The following ICA1 variants were observed in gnomAD, a reference collection of about 807,000 sequenced individuals.
ICA1 encodes islet cell autoantigen 1.
ICA1 carries 40 observed loss-of-function variants against 71.0 expected under a neutral mutation model. The observed-to-expected ratio is 0.56, with a 90% CI of 0.44 to 0.73. ICA1 has a LOEUF of 0.73. Ranked by LOEUF, ICA1 falls within the 30% of genes least tolerant of loss-of-function variation. ICA1 has a pLI of 0.00. For missense variants in ICA1, 578 were observed against 576.5 expected, an observed-to-expected ratio of 1.00 and a Z score of -0.03; for synonymous variants, 207 against 209.5, an observed-to-expected ratio of 0.99 and a Z score of 0.10.
chr7:8,181,991 T>C (rs930800735), intron 6 of ICA1, among the ~76,000 whole-genome samples: 1 of 152,212 alleles, frequency 6.6e-6, no homozygotes, highest in African/African-American at 2.4e-5. Flanking sequence ...TAATGGTAGT[T>C]ACTTGCAAAG....
At chr7:8,195,361 T>C (rs751167547) in intron 6 of ICA1, among the ~76,000 whole-genome samples, 1 of 152,018 alleles carries the variant, frequency 6.6e-6, no homozygotes, top group Non-Finnish European at 1.5e-5. Context: ...GCCATCATGG[T>C]GAAACCCTGT....
At chr7:8,124,107 T>C (rs1788079623) in intron 13 of ICA1, among the ~76,000 whole-genome samples, 1 of 146,224 alleles carries the variant, frequency 6.8e-6, no homozygotes. Flanking sequence ...CACTGAATCA[T>C]ACAATTTTTT....
At chr7:8,146,857 TACACACACACAC>T (rs112979260) in intron 8 of ICA1, among the ~76,000 whole-genome samples, 1 of 125,358 alleles carries the variant, frequency 8.0e-6, no homozygotes, top group Admixed American at 8.4e-5. Context: ...TTTATTCATG[TACACACACACAC>T]ACACACACAC....
chr7:8,138,793 T>G, intron 12 of ICA1, 47 bp downstream of exon 12: 1 of 1,423,506 alleles, frequency 7.0e-7, no homozygotes, highest in Non-Finnish European at 9.8e-7. Flanking sequence ...AAGAGTAATT[T>G]AAAAAATCAA....
At chr7:8,228,542 A>T in intron 4 of ICA1, 59 bp downstream of exon 4, 1 of 1,081,308 alleles carries the variant, frequency 9.2e-7, no homozygotes, top group Non-Finnish European at 1.3e-6. Flanking sequence ...ATGTATCAAG[A>T]CAAAATACCC....
intron 6 of ICA1, among the ~76,000 whole-genome samples, chr7:8,189,575 T>C (rs962670317): frequency 2.0e-5 from 3 of 152,182 alleles, no homozygotes; most frequent in Non-Finnish European, 2.9e-5. Flanking sequence ...CTTCTTTTTT[T>C]TAAATGGTGG....
chr7:8,210,080 G>A (rs866879778), intron 6 of ICA1, among the ~76,000 whole-genome samples: 20 of 152,330 alleles, frequency 1.3e-4, no homozygotes, highest in Middle Eastern at 3.4e-3. Flanking sequence ...TTAGCCAGGA[G>A]AAAGACATGA....
intron 6 of ICA1, among the ~76,000 whole-genome samples, chr7:8,160,221 A>G (rs1803257621): frequency 6.6e-6 from 1 of 152,236 alleles, no homozygotes; most frequent in African/African-American, 2.4e-5. Flanking sequence ...AAATACATAG[A>G]TCATTTTATA....
chr7:8,212,693 G>A (rs2128388278), intron 6 of ICA1, among the ~76,000 whole-genome samples: 1 of 152,332 alleles, frequency 6.6e-6, no homozygotes, highest in Non-Finnish European at 1.5e-5. Context: ...GCTGGTGTCA[G>A]CAAGGGCGGG....
intron 2 of ICA1, among the ~76,000 whole-genome samples, chr7:8,233,009 G>T (rs1257405218): frequency 1.3e-5 from 2 of 150,616 alleles, no homozygotes; most frequent in Admixed American, 6.7e-5. Flanking sequence ...CCCTTGAAAA[G>T]AATGTAGATA....
chr7:8,237,441 TAATA>T (rs1276797444), intron 1 of ICA1, among the ~76,000 whole-genome samples: 1 of 152,250 alleles, frequency 6.6e-6, no homozygotes, highest in African/African-American at 2.4e-5. Context: ...ACTTTTTGAT[TAATA>T]TTTTTATTAT....
chr7:8,214,112 T>C (rs138613020), intron 6 of ICA1, among the ~76,000 whole-genome samples: 1 of 152,362 alleles, frequency 6.6e-6, no homozygotes, highest in East Asian at 1.9e-4. Flanking sequence ...TATACATTTC[T>C]ATACTATCTC....
intron 6 of ICA1, among the ~76,000 whole-genome samples, chr7:8,176,631 C>T (rs143930129): frequency 2.0e-5 from 3 of 152,280 alleles, no homozygotes; most frequent in African/African-American, 7.2e-5. Flanking sequence ...AATGAGTGAA[C>T]AAATCACTCC....
chr7:8,231,670 A>G (rs1583538133), intron 3 of ICA1, among the ~76,000 whole-genome samples: 1 of 152,206 alleles, frequency 6.6e-6, no homozygotes, highest in South Asian at 2.1e-4. Context: ...TCCTAACCTC[A>G]AAGGCAGCCC....
At chr7:8,120,751 C>G (rs1786591787) in intron 13 of ICA1, among the ~76,000 whole-genome samples, 1 of 152,228 alleles carries the variant, frequency 6.6e-6, no homozygotes, top group South Asian at 2.1e-4. Flanking sequence ...CAAACTGCCC[C>G]CCGTTACTTA....
At chr7:8,190,693 A>G (rs753955276) in intron 6 of ICA1, among the ~76,000 whole-genome samples, 29 of 152,250 alleles carry the variant, frequency 1.9e-4, no homozygotes, top group African/African-American at 6.8e-4. Flanking sequence ...CAGGAACTCA[A>G]TCTAACATTT....
chr7:8,245,141 C>T (rs528732275), intron 1 of ICA1, among the ~76,000 whole-genome samples: 9 of 152,074 alleles, frequency 5.9e-5, no homozygotes, highest in African/African-American at 2.2e-4. Context: ...TTCACAATAC[C>T]AACGACTTGG....
chr7:8,158,937 G>A (rs1474909196), intron 6 of ICA1, among the ~76,000 whole-genome samples: 2 of 152,184 alleles, frequency 1.3e-5, no homozygotes, highest in Non-Finnish European at 2.9e-5. Context: ...ACTGATCATG[G>A]TTGGGAGAAG....
intron 13 of ICA1, among the ~76,000 whole-genome samples, chr7:8,125,970 G>A (rs940782173): frequency 9.9e-5 from 15 of 152,150 alleles, no homozygotes; most frequent in East Asian, 3.9e-4. Flanking sequence ...ATTCCCCATG[G>A]CCGCTGCCCT....
Sources: gnomAD v4.1 joint callset for allele counts (sites outside exome capture counted in the v4.1 genomes callset) on GRCh38, gnomAD v4.1.1 for gene constraint, MANE v1.5 for transcripts, NCBI Gene and HGNC (gene_info 2026-07-23, HGNC 2026-07-21) for gene names.